The following BARHL1 variants were observed in gnomAD, a reference collection of about 807,000 sequenced individuals.
BARHL1 encodes barH-like 1 homeobox protein.
Under a neutral mutation model 20.1 loss-of-function variants are expected in BARHL1, and 2 were observed. The ratio of observed to expected loss-of-function variants is 0.10; its 90% CI spans 0.04 to 0.31. The LOEUF (loss-of-function observed/expected upper bound fraction) is 0.31. Ranked by LOEUF, BARHL1 falls within the 10% of genes least tolerant of loss-of-function variation. The pLI, the probability that BARHL1 is intolerant of heterozygous loss-of-function variation, is 1.00. For missense variants in BARHL1, 397 were observed against 454.0 expected (o/e 0.87, Z 1.14); for synonymous variants, 213 against 209.9 (o/e 1.01, Z -0.13).
intron 2 of BARHL1, 41 bp from the exon 3 acceptor site, chr9:132,589,187 C>G (rs1830179456): frequency 6.3e-7 from 1 of 1,577,404 alleles, no homozygotes; most frequent in Non-Finnish European, 8.6e-7. Context: ...GCTGGATGCC[C>G]TAGCCCTGAT....
At chr9:132,583,294 G>C in intron 1 of BARHL1, 31 bp downstream of exon 1, 1 of 1,560,152 alleles carries the variant, frequency 6.4e-7, no homozygotes, top group Non-Finnish European at 8.7e-7. Flanking sequence ...AACTTGGGGG[G>C]ATGCTATGTA....
intron 1 of BARHL1, among the ~76,000 whole-genome samples, chr9:132,586,352 G>A (rs1830144574): frequency 1.3e-5 from 2 of 152,252 alleles, no homozygotes; most frequent in African/African-American, 4.8e-5. Flanking sequence ...TTGGGGAAGT[G>A]GTCTAGCTGG....
rs150396111 is a variant in BARHL1 at position 132,583,926 on chromosome 9, T to C, written c.466+663T>C. ...CCCAATGGCTCTCATTGAATTTGAT[T>C]TTAAGTGCCTTGAGCAACCAACTCC... On this transcript the variant is annotated intron_variant, in intron 1 of 2. Transcript: ENST00000263610. Among the ~76,000 whole-genome samples, 781 of 152,270 alleles carry C rather than the reference T, an allele frequency of 5.1e-3. 7 individuals carry two copies. Among genetic ancestry groups the C allele is most frequent in the African/African-American group, 0.017 (712 of 41,548 alleles).
rs776316564 is a variant in BARHL1 at position 132,589,219 on chromosome 9, G to C, written c.690-9G>C. On this transcript the variant is annotated splice_polypyrimidine_tract_variant and intron_variant, in intron 2 of 2. Transcript: ENST00000263610. ...TGATCCCGCCATACGCGTTTATTTC[G>C]GCCCCCAGGACTAAATGGAAGCGAC... 1.9e-6 allele frequency: 3 copies of C among 1,603,880 alleles called. No homozygotes were observed. The Admixed American group carries it at 5.1e-5, about 27-fold the overall frequency.
chr9:132,589,767 C>T lies in BARHL1; in HGVS notation c.*245C>T. 2.4e-6 allele frequency: 1 copy of T among 417,230 alleles called. No homozygotes were observed. The highest frequency in any genetic ancestry group is 4.8e-5 in the Admixed American group (1 of 20,758). 25.8% of individuals were successfully genotyped at this position (417,230 alleles called of 1,614,324 possible). A position where few individuals can be genotyped will look rare whatever the true frequency, so the allele number is the denominator to read the frequency against. ...GGCCGCTCTGTCCGGGAGCCATCCC[C>T]ACCCGCCGGGTGTACATACGCGTCT... On this transcript the variant is annotated 3_prime_UTR_variant, in exon 3 of 3. Transcript: ENST00000263610.
Position 132,589,582 on chromosome 9 carries a change from T to A in BARHL1, c.*60T>A, listed in dbSNP as rs1161306287. 2.3e-5 allele frequency: 28 copies of A among 1,240,450 alleles called. No individual in the cohort carries two copies. The highest frequency in any genetic ancestry group is 2.7e-5 in the Non-Finnish European group (27 of 995,968). 76.8% of individuals were successfully genotyped at this position (1,240,450 alleles called of 1,614,324 possible). A position where few individuals can be genotyped will look rare whatever the true frequency, so the allele number is the denominator to read the frequency against. On this transcript the variant is annotated 3_prime_UTR_variant, in exon 3 of 3. Transcript: ENST00000263610. ...CTCGGCGTGGCCCCTTCCGCCCGCCTTTCTGAGGGCGCAGGTTCGACGCCC... is the reference window on the plus strand; with the variant it reads ...CTCGGCGTGGCCCCTTCCGCCCGCCATTCTGAGGGCGCAGGTTCGACGCCC...
Position 132,589,261 on chromosome 9 carries a change from G to A in BARHL1, c.723G>A (p.Leu241=), listed in dbSNP as rs761847169. The change falls in exon 3 of 3, where the codon TTG becomes TTA. Residue 241 remains leucine (L), a synonymous_variant. Transcript: ENST00000263610. ...TKWKRQTAVG[L]ELLAEAGNYS... is the part of the protein sequence containing the mutation. ...GGAAGCGACAGACGGCCGTCGGGTT[G>A]GAGCTGCTGGCGGAGGCAGGCAATT... The A allele has an allele frequency of 3.7e-6, 6 of 1,612,630 alleles. No individual in the cohort carries two copies. In the South Asian group the frequency reaches 5.5e-5, roughly 15 times the overall value.
rs546941623 is a variant in BARHL1, at chr9:132,587,847, G to A, written c.689+296G>A. ...AGTCCTGCCCCAGCTCAGCCGGAGT[G>A]GGGGGAGGTCTGCCTGGAGCCCCCA... On this transcript the variant is annotated intron_variant, in intron 2 of 2. Transcript: ENST00000263610. This position sits in a 1 kb window ranked among gnomAD's most constrained non-coding sequence, Gnocchi z 5.5. 2.0e-5 allele frequency among the ~76,000 whole-genome samples: 3 copies of A among 152,144 alleles called. No individual in the cohort carries two copies. The highest frequency in any genetic ancestry group is 1.3e-4 in the Admixed American group (2 of 15,286).
In BARHL1 at chr9:132,589,544, C is replaced by T. The variant is rs1180928027; in HGVS notation, c.*22C>T. On this transcript the variant is annotated 3_prime_UTR_variant, in exon 3 of 3. Coordinates refer to ENST00000263610, the MANE Select transcript of BARHL1 (RefSeq NM_020064.4). Reference sequence around the variant, plus strand: ...GTGAGGCGCCCGTCGGCTCCGGGGCCTCCTCCCGCGGGCTCGGCGTGGCCC... The same window carrying T: ...GTGAGGCGCCCGTCGGCTCCGGGGCTTCCTCCCGCGGGCTCGGCGTGGCCC... The T allele has an allele frequency of 3.9e-6, 5 of 1,279,672 alleles. No homozygotes were observed. In the East Asian group the frequency reaches 1.3e-4, roughly 33 times the overall value. The allele number at this position is 1,279,672 out of a possible 1,614,324, so 79.3% of individuals were successfully genotyped here.
Position 132,582,670 on chromosome 9 carries a change from C to T in BARHL1, c.-128C>T, listed in dbSNP as rs891564905. The T allele has an allele frequency of 4.2e-5, 36 of 847,900 alleles. No homozygotes were observed. Among genetic ancestry groups the T allele is most frequent in the Non-Finnish European group, 5.6e-5 (31 of 553,588 alleles). The allele number at this position is 847,900 out of a possible 1,614,324, so 52.5% of individuals were successfully genotyped here. On this transcript the variant is annotated 5_prime_UTR_variant, in exon 1 of 3. Transcript: ENST00000263610. ...CCCGGGCTCCCCCAAGGCTGAACTC[C>T]GTCCAAGGTGCCCGCAGGCTCCCTG...
In BARHL1 at chr9:132,589,490, G is replaced by C; in HGVS notation, c.952G>C (p.Gly318Arg). 4 of 1,453,984 alleles carry C rather than the reference G, an allele frequency of 2.8e-6. No homozygotes were observed. The highest frequency in any genetic ancestry group is 2.7e-6 in the Non-Finnish European group (3 of 1,106,452). 90.1% of individuals were successfully genotyped at this position (1,453,984 alleles called of 1,614,324 possible). A position where few individuals can be genotyped will look rare whatever the true frequency, so the allele number is the denominator to read the frequency against. Reference sequence around the variant, plus strand: ...GCCCCCGCCGCTGCCCCCCCTGGCCGGCGTCCTCCCACGCGCCGCGCAGCC... The same window carrying C: ...GCCCCCGCCGCTGCCCCCCCTGGCCCGCGTCCTCCCACGCGCCGCGCAGCC... ...EPPPPLPPLA[G>R]VLPRAAQPR Residue 318 changes from glycine (G) to arginine (R), a missense_variant, in exon 3 of 3, where the codon GGC becomes CGC. Around this residue, in one of 3 missense-constraint regions of BARHL1, gnomAD observed 121 missense variants for 135.9 expected, o/e 0.89. Coordinates refer to ENST00000263610, the MANE Select transcript of BARHL1 (RefSeq NM_020064.4).
intron 1 of BARHL1, among the ~76,000 whole-genome samples, chr9:132,584,144 AGG>A (rs1416977087): frequency 6.6e-6 from 1 of 151,876 alleles, no homozygotes; most frequent in African/African-American, 2.4e-5. Context: ...GAAGGAAGGA[AGG>A]AAGGAAGGAA....
chr9:132,584,121 AGAAGGAAGGAAGGAAGGAAG>A (rs67522848), intron 1 of BARHL1, among the ~76,000 whole-genome samples: 15 of 144,102 alleles, frequency 1.0e-4, no homozygotes, highest in African/African-American at 2.9e-4. Context: ...AAGGAAAGGG[AGAAGGAAGGAAGGAAGGAAG>A]GAAGGAAGGA....
At chr9:132,583,335 A>G (rs886330907) in intron 1 of BARHL1, 72 bp downstream of exon 1, 13 of 1,299,146 alleles carry the variant, frequency 1.0e-5, no homozygotes, top group Non-Finnish European at 1.0e-5. Flanking sequence ...AGGAATACAC[A>G]TGGCGGGACA....
In BARHL1 at chr9:132,587,846, TG is replaced by T. The variant is rs1442046077; in HGVS notation, c.689+301del. On this transcript the variant is annotated intron_variant, in intron 2 of 2. Transcript: ENST00000263610. The surrounding 1 kb of genome is among the most constrained non-coding windows in gnomAD (Gnocchi z 5.5). ...AAGTCCTGCCCCAGCTCAGCCGGAG[TG>T]GGGGGAGGTCTGCCTGGAGCCCCCA... Among the ~76,000 whole-genome samples the T allele has an allele frequency of 2.0e-5, 3 of 151,744 alleles. No homozygotes were observed. The highest frequency in any genetic ancestry group is 2.4e-5 in the African/African-American group (1 of 41,284).
rs565345902 is a variant in BARHL1, at chr9:132,587,869, C to T, written c.689+318C>T. Among the ~76,000 whole-genome samples the T allele has an allele frequency of 4.6e-5, 7 of 152,286 alleles. No homozygotes were observed. Among genetic ancestry groups the T allele is most frequent in the South Asian group, 4.1e-4 (2 of 4,828 alleles). On this transcript the variant is annotated intron_variant, in intron 2 of 2. Transcript: ENST00000263610. The surrounding 1 kb of genome is among the most constrained non-coding windows in gnomAD (Gnocchi z 5.5). Reference sequence around the variant, plus strand: ...AGTGGGGGGAGGTCTGCCTGGAGCCCCCACCTGAGCCAGCGTGGGTCTTGG... The same window carrying T: ...AGTGGGGGGAGGTCTGCCTGGAGCCTCCACCTGAGCCAGCGTGGGTCTTGG...
rs754795050 is a variant in BARHL1 at position 132,587,588 on chromosome 9, A to C, written c.689+37A>C. 2 of 1,560,342 alleles carry C rather than the reference A, an allele frequency of 1.3e-6. No homozygotes were observed. The highest frequency in any genetic ancestry group is 1.7e-6 in the Non-Finnish European group (2 of 1,148,236). ...CTGCGGGGGTAGAGGCAGAAAGGGA[A>C]CTTCCCCTTTCCTCACAGCTCCTGG... On this transcript the variant is annotated intron_variant, in intron 2 of 2. Coordinates refer to ENST00000263610, the MANE Select transcript of BARHL1 (RefSeq NM_020064.4). This position sits in a 1 kb window ranked among gnomAD's most constrained non-coding sequence, Gnocchi z 5.5.
At chr9:132,588,013 G>C (rs1442116795) in intron 2 of BARHL1, among the ~76,000 whole-genome samples, 2 of 152,138 alleles carry the variant, frequency 1.3e-5, no homozygotes, top group Non-Finnish European at 2.9e-5. Flanking sequence ...CTGCCGCAGG[G>C]GCCTCAGAGT....
Position 132,587,078 on chromosome 9 carries a change from C to CGGGT in BARHL1, c.467-250_467-247dup, listed in dbSNP as rs1249845856. 6.6e-6 allele frequency among the ~76,000 whole-genome samples: 1 copy of CGGGT among 152,236 alleles called. No individual in the cohort carries two copies. The highest frequency in any genetic ancestry group is 2.4e-5 in the African/African-American group (1 of 41,476). On this transcript the variant is annotated intron_variant, in intron 1 of 2. Transcript: ENST00000263610. This position sits in a 1 kb window ranked among gnomAD's most constrained non-coding sequence, Gnocchi z 5.5. ...CAGGGACTGGAGTTCTCGCCAGCTT[C>CGGGT]GGGTTCTTTCTCCCCGGAGCTGCCC... is the stretch of plus-strand genomic sequence containing the variant.
Sources: gnomAD v4.1 joint callset for allele counts (sites outside exome capture counted in the v4.1 genomes callset) on GRCh38, gnomAD v4.1.1 for gene constraint, gnomAD v4.1.1 regional missense constraint, Gnocchi (gnomAD v3.1) non-coding constraint, MANE v1.5 for transcripts, NCBI Gene and HGNC (gene_info 2026-07-23, HGNC 2026-07-21) for gene names.